KPNA7: variants seen among roughly 807,000 people sequenced by gnomAD.
KPNA7 encodes the protein karyopherin subunit alpha 7.
In KPNA7, 54 loss-of-function variants were observed where a neutral mutation model predicts 53.7. That is an observed-to-expected ratio of 1.01 (90% CI 0.81 to 1.26). KPNA7 has a LOEUF of 1.26. KPNA7 is among the 50% of genes most tolerant of loss of function. The probability of loss-of-function intolerance (pLI) is 0.00; values close to 1 mark genes in which losing one functional copy is unlikely to be tolerated. For missense variants in KPNA7, 640 were observed against 644.5 expected (o/e 0.99, Z 0.07); for synonymous variants, 276 against 259.3 (o/e 1.06, Z -0.62).
intron 10 of KPNA7, among the ~76,000 whole-genome samples, chr7:99,174,696 G>A (rs1798837739): frequency 6.6e-6 from 1 of 152,098 alleles, no homozygotes; most frequent in Non-Finnish European, 1.5e-5. Flanking sequence ...ACACCGTCCT[G>A]ACAATGAGTA....
the KPNA7 span, among the ~76,000 whole-genome samples, chr7:99,163,384 T>TATATATATAA: frequency 1.2e-4 from 5 of 42,270 alleles, no homozygotes; most frequent in Admixed American, 7.2e-4. Flanking sequence ...TATATATATA[T>TATATATATAA]TTTTTTTTTT....
chr7:99,177,254 G>T (rs899859769), intron 10 of KPNA7, among the ~76,000 whole-genome samples: 3 of 152,158 alleles, frequency 2.0e-5, no homozygotes, highest in Non-Finnish European at 4.4e-5. Context: ...TAGTTAACGG[G>T]TAGGGAGTTT....
intron 2 of KPNA7, among the ~76,000 whole-genome samples, chr7:99,205,032 T>C (rs1790727101): frequency 6.6e-6 from 1 of 152,156 alleles, no homozygotes; most frequent in Admixed American, 6.6e-5. Context: ...CCTGTTGCTG[T>C]GAAGACTCAA....
At chr7:99,151,078 G>C in the KPNA7 span, among the ~76,000 whole-genome samples, 1 of 152,196 alleles carries the variant, frequency 6.6e-6, no homozygotes, top group African/African-American at 2.4e-5. Flanking sequence ...CGGTTTGTGT[G>C]AGGGAGGGAT....
chr7:99,187,666 G>C (rs1263630449), intron 7 of KPNA7, among the ~76,000 whole-genome samples: 1 of 150,152 alleles, frequency 6.7e-6, no homozygotes, highest in African/African-American at 2.4e-5. Flanking sequence ...GAATTCTCCT[G>C]CCTCAGCCTC....
intron 2 of KPNA7, among the ~76,000 whole-genome samples, chr7:99,206,467 TTTTA>T (rs970839186): frequency 2.0e-5 from 3 of 151,230 alleles, no homozygotes; most frequent in African/African-American, 7.3e-5. Flanking sequence ...CAGCCTGGTT[TTTTA>T]TTTGGTTTTG....
At chr7:99,210,423 G>A (rs1791035897), upstream of KPNA7, among the ~76,000 whole-genome samples, 1 of 152,042 alleles carries the variant, frequency 6.6e-6, no homozygotes. Flanking sequence ...TCTTAGGCAG[G>A]GATTTCTTAC....
At chr7:99,178,109 C>G (rs1156729886) in intron 9 of KPNA7, 43 bp from the exon 10 acceptor site, 1 of 1,537,502 alleles carries the variant, frequency 6.5e-7, no homozygotes, top group Admixed American at 2.0e-5. Context: ...CGGCAGGAGC[C>G]TTTGGGGGAT....
chr7:99,190,483 G>T (rs138839384), intron 6 of KPNA7, among the ~76,000 whole-genome samples: 337 of 152,156 alleles, frequency 2.2e-3, no homozygotes, highest in African/African-American at 5.0e-3. Context: ...GAACCTTAGA[G>T]CCCACAGGAC....
the KPNA7 span, among the ~76,000 whole-genome samples, chr7:99,161,094 T>G: frequency 5.9e-5 from 9 of 152,280 alleles, no homozygotes; most frequent in South Asian, 1.0e-3. Flanking sequence ...GCTCCTAACC[T>G]CAAGTGACGT....
At chr7:99,192,926 C>A (rs1485147205) in intron 6 of KPNA7, 93 bp downstream of exon 6, 6 of 868,990 alleles carry the variant, frequency 6.9e-6, no homozygotes, top group Non-Finnish European at 1.0e-5. Context: ...AGTTCAAGAC[C>A]AGCCTGGGCA....
the KPNA7 span, among the ~76,000 whole-genome samples, chr7:99,163,384 T>TATATATATATA: frequency 4.7e-4 from 20 of 42,206 alleles, no homozygotes; most frequent in East Asian, 1.3e-3. Flanking sequence ...TATATATATA[T>TATATATATATA]TTTTTTTTTT....
intron 2 of KPNA7, among the ~76,000 whole-genome samples, chr7:99,205,181 T>C (rs1790735123): frequency 6.6e-6 from 1 of 151,698 alleles, no homozygotes; most frequent in South Asian, 2.1e-4. Flanking sequence ...CCCAGCACTT[T>C]GGGAGGCCGA....
chr7:99,164,653 G>A, the KPNA7 span, among the ~76,000 whole-genome samples: 22 of 151,618 alleles, frequency 1.5e-4, no homozygotes, highest in Middle Eastern at 3.4e-3. Context: ...AAAATTTCTC[G>A]AAAGAGTATG....
intron 6 of KPNA7, among the ~76,000 whole-genome samples, chr7:99,192,782 C>T (rs1790021011): frequency 6.6e-6 from 1 of 151,924 alleles, no homozygotes; most frequent in Non-Finnish European, 1.5e-5. Context: ...GGAAGTATGT[C>T]CCAATTTCCC....
chr7:99,185,246 A>T, intron 7 of KPNA7, 84 bp from the exon 8 acceptor site: 1 of 926,162 alleles, frequency 1.1e-6, no homozygotes, highest in East Asian at 2.6e-5. Flanking sequence ...GTTCTCTCCC[A>T]AACATTGTCA....
At chr7:99,159,349 A>G in the KPNA7 span, among the ~76,000 whole-genome samples, 1 of 3,358 alleles carries the variant, frequency 3.0e-4, no homozygotes, top group East Asian at 8.6e-3. Flanking sequence ...ACACTGTCTC[A>G]AAAAAAAAAA....
chr7:99,193,793 G>A (rs185292565), intron 5 of KPNA7, among the ~76,000 whole-genome samples: 126 of 151,844 alleles, frequency 8.3e-4, no homozygotes, highest in African/African-American at 2.9e-3. Context: ...TTGTCCCACC[G>A]TAGCCTCCTG....
intron 9 of KPNA7, among the ~76,000 whole-genome samples, chr7:99,181,320 A>C (rs1050173650): frequency 1.3e-5 from 2 of 152,154 alleles, no homozygotes; most frequent in Admixed American, 1.3e-4. Context: ...TACTTTATCC[A>C]TAACTCCCTA....
Sources: allele counts gnomAD v4.1 joint callset (sites outside exome capture counted in the v4.1 genomes callset), GRCh38; gene constraint gnomAD v4.1.1; transcripts MANE v1.5; gene names NCBI Gene and HGNC (gene_info 2026-07-23, HGNC 2026-07-21).